The following NKIRAS1 variants were observed in gnomAD, a reference collection of about 807,000 sequenced individuals.
The protein encoded by NKIRAS1 is NFKB inhibitor interacting Ras like 1.
In NKIRAS1, 16 loss-of-function variants were observed where a neutral mutation model predicts 19.8. The ratio of observed to expected loss-of-function variants is 0.81; its 90% CI spans 0.55 to 1.23. NKIRAS1 has a LOEUF of 1.23. Among genes scored for constraint, NKIRAS1 ranks in the 50% most tolerant of loss-of-function variants. The pLI is 0.00. For synonymous variants in NKIRAS1, 88 were observed against 79.0 expected (o/e 1.11, Z -0.61); for missense variants, 184 against 220.0 (o/e 0.84, Z 1.04).
Position 23,916,924 on chromosome 3 carries a change from C to A in NKIRAS1, c.-280G>T, listed in dbSNP as rs1042950150. ...TTAGCCGCCGAGACCTCGCCGCCAA[C>A]TCTCTCACCTCTCGAGACGCCCAGG... On this transcript the variant is annotated 5_prime_UTR_variant, in exon 1 of 5. Transcript: ENST00000425478. 1 of 152,716 alleles carries A rather than the reference C, an allele frequency of 6.5e-6. No individual in the cohort carries two copies. Among genetic ancestry groups the A allele is most frequent in the Admixed American group, 6.5e-5 (1 of 15,292 alleles). 9.5% of individuals were successfully genotyped at this position (152,716 alleles called of 1,614,324 possible).
upstream of NKIRAS1, chr3:23,917,729 T>C (rs932786858): frequency 2.1e-5 from 21 of 1,017,874 alleles, no homozygotes; most frequent in African/African-American, 3.1e-4. Flanking sequence ...CGGCAGTTGG[T>C]GCAGAGCCAT....
chr3:23,918,676 G>T, upstream of NKIRAS1: 1 of 1,377,532 alleles, frequency 7.3e-7, no homozygotes, highest in Non-Finnish European at 9.8e-7. Flanking sequence ...GAGCTGTCTC[G>T]TATATAAAAC....
At position 23,890,296 on chromosome 3, in the gene NKIRAS1, C is replaced by T. The variant is rs1009382384; in HGVS notation, c.*2799G>A. Among the ~76,000 whole-genome samples, 2 of 152,092 alleles carry T rather than the reference C, an allele frequency of 1.3e-5. No homozygotes were observed. Among genetic ancestry groups the T allele is most frequent in the Non-Finnish European group, 2.9e-5 (2 of 68,016 alleles). On this transcript the variant is annotated 3_prime_UTR_variant, in exon 5 of 5. Coordinates refer to ENST00000425478, the MANE Select transcript of NKIRAS1 (RefSeq NM_020345.4). The stretch of plus-strand genomic sequence containing the variant: ...GGAATGAACTAAGATAAAGACAGAC[C>T]AGTACACTAAAGCCTAAGCATTCCC...
intron 1 of NKIRAS1, among the ~76,000 whole-genome samples, chr3:23,928,082 CCTCT>C (rs1381856045): frequency 6.4e-5 from 9 of 139,718 alleles, no homozygotes; most frequent in South Asian, 2.3e-4. Context: ...CACTCTCTCT[CCTCT>C]CTCTCTCTAC....
At chr3:23,936,278 C>T (rs1359548498) in intron 1 of NKIRAS1, among the ~76,000 whole-genome samples, 3 of 152,092 alleles carry the variant, frequency 2.0e-5, no homozygotes, top group Non-Finnish European at 4.4e-5. Context: ...TGTCATATTA[C>T]AGGGCAGAAA....
intron 4 of NKIRAS1, among the ~76,000 whole-genome samples, chr3:23,898,957 T>C (rs928281326): frequency 1.3e-5 from 2 of 152,136 alleles, no homozygotes; most frequent in African/African-American, 4.8e-5. Flanking sequence ...GGGATCTAGG[T>C]TGCATGCTCT....
intron 1 of NKIRAS1, among the ~76,000 whole-genome samples, chr3:23,945,067 G>A (rs1352391351): frequency 1.3e-5 from 2 of 151,870 alleles, no homozygotes; most frequent in African/African-American, 2.4e-5. Flanking sequence ...ACGGAGAAGA[G>A]GTTTACGGCA....
rs73825184 is a variant in NKIRAS1, at chr3:23,927,772, A to G, written c.-139-16322T>C. 0.024 allele frequency among the ~76,000 whole-genome samples: 3,627 copies of G among 152,236 alleles called. 136 individuals are homozygous for G. The highest frequency in any genetic ancestry group is 0.081 in the African/African-American group (3,380 of 41,512). The stretch of plus-strand genomic sequence containing the variant: ...CTAGGATGTTTTGCTTATCAAAAAG[A>G]AAGATTCAAAAAATGATCATCCAAG... On this transcript the variant is annotated intron_variant, in intron 1 of 4. Transcript: ENST00000421515. This position sits in a 1 kb window ranked among gnomAD's most constrained non-coding sequence, Gnocchi z 4.0.
intron 1 of NKIRAS1, chr3:23,946,284 CA>C (rs1705704867): frequency 1.0e-6 from 1 of 985,404 alleles, no homozygotes; most frequent in African/African-American, 1.7e-5. Flanking sequence ...CCGCGCAAAC[CA>C]AACGAACCGG....
At chr3:23,895,951 G>A (rs982914769) in intron 4 of NKIRAS1, among the ~76,000 whole-genome samples, 8 of 151,814 alleles carry the variant, frequency 5.3e-5, no homozygotes, top group Admixed American at 2.0e-4. Context: ...TGGCTAACAC[G>A]GTGAAACCCT....
intron 1 of NKIRAS1, among the ~76,000 whole-genome samples, chr3:23,930,866 C>CT (rs1705302780): frequency 1.4e-5 from 2 of 139,804 alleles, no homozygotes; most frequent in Admixed American, 7.2e-5. Context: ...CCATGTCCGG[C>CT]TGTTTTTTTT....
chr3:23,892,040 G>C lies in NKIRAS1; in HGVS notation c.*1055C>G, dbSNP rs1327262466. The C allele has an allele frequency of 6.6e-6, 1 of 152,118 alleles. No homozygotes were observed. Among genetic ancestry groups the C allele is most frequent in the African/African-American group, 2.4e-5 (1 of 41,422 alleles). 9.4% of individuals were successfully genotyped at this position (152,118 alleles called of 1,614,324 possible). A position where few individuals can be genotyped will look rare whatever the true frequency, so the allele number is the denominator to read the frequency against. On this transcript the variant is annotated 3_prime_UTR_variant, in exon 5 of 5. Coordinates refer to ENST00000425478, the MANE Select transcript of NKIRAS1 (RefSeq NM_020345.4). ...TTATATGTAGTAGTTCTTCACTAGAGCTCATGAAAAAAGTATTCCATTTAA... is the reference window on the plus strand; with the variant it reads ...TTATATGTAGTAGTTCTTCACTAGACCTCATGAAAAAAGTATTCCATTTAA...
intron 4 of NKIRAS1, among the ~76,000 whole-genome samples, chr3:23,896,877 G>A (rs1312231678): frequency 6.6e-6 from 1 of 151,686 alleles, no homozygotes; most frequent in African/African-American, 2.4e-5. Context: ...ATGAAAAACA[G>A]AAGGTACAGG....
intron 3 of NKIRAS1, among the ~76,000 whole-genome samples, chr3:23,903,288 A>G (rs568212532): frequency 6.6e-6 from 1 of 152,100 alleles, no homozygotes; most frequent in South Asian, 2.1e-4. Flanking sequence ...TAATTCTTGT[A>G]TTTTTTTGTA....
upstream of NKIRAS1, chr3:23,919,528 C>T: frequency 2.6e-6 from 4 of 1,520,848 alleles, no homozygotes; most frequent in Non-Finnish European, 3.5e-6. Flanking sequence ...AAAATTCATA[C>T]TTAATAAACA....
Position 23,896,150 on chromosome 3 carries a change from A to C in NKIRAS1, c.337-2813T>G, listed in dbSNP as rs1181781034. ...ACTCCATCTCAAAAAAAAAAAAAAA[A>C]AAAAAACTTCCACATTCTTCCGCCA... On this transcript the variant is annotated intron_variant, in intron 4 of 4. Transcript: ENST00000425478. 2.6e-5 allele frequency among the ~76,000 whole-genome samples: 4 copies of C among 151,068 alleles called. 1 individual carries two copies. Among genetic ancestry groups the C allele is most frequent in the African/African-American group, 9.7e-5 (4 of 41,086 alleles).
At chr3:23,916,259 A>G (rs1210416297) in intron 1 of NKIRAS1, 8 of 152,212 alleles carry the variant, frequency 5.3e-5, no homozygotes, top group Admixed American at 5.2e-4. Context: ...ATTAAAGCCA[A>G]GTGAAAATAT....
intron 1 of NKIRAS1, chr3:23,946,051 T>G (rs928155845): frequency 6.9e-5 from 67 of 964,866 alleles, no homozygotes; most frequent in Non-Finnish European, 8.1e-5. Flanking sequence ...GCGCGCTGGC[T>G]GGGAGCGCCG....
rs11418287 is a variant in NKIRAS1 at position 23,938,209 on chromosome 3, CT to C, written c.-140+8113del. 6.8e-4 allele frequency among the ~76,000 whole-genome samples: 93 copies of C among 137,622 alleles called. 1 individual carries two copies. The South Asian group carries it at 7.4e-3, about 11-fold the overall frequency. 90.3% of individuals were successfully genotyped at this position (137,622 alleles called of 152,430 possible). A position where few individuals can be genotyped will look rare whatever the true frequency, so the allele number is the denominator to read the frequency against. On this transcript the variant is annotated intron_variant, in intron 1 of 4. Coordinates refer to the NKIRAS1 transcript ENST00000421515. Reference sequence around the variant, plus strand: ...ACCCTCTCATTGAGAAGTACAGTACCTTTTTTTTTTTTTTTCTTGAGACAGG... The same window carrying C: ...ACCCTCTCATTGAGAAGTACAGTACCTTTTTTTTTTTTTTCTTGAGACAGG...
Sources: gnomAD v4.1 joint callset for allele counts (sites outside exome capture counted in the v4.1 genomes callset) on GRCh38, gnomAD v4.1.1 for gene constraint, Gnocchi (gnomAD v3.1) non-coding constraint, MANE v1.5 for transcripts, NCBI Gene and HGNC (gene_info 2026-07-23, HGNC 2026-07-21) for gene names.